ZNF28: variants seen among roughly 807,000 people sequenced by gnomAD.
ZNF28 encodes the protein zinc finger protein 28, also known as zinc finger protein KOX24.
A neutral mutation model predicts 7.2 loss-of-function variants in ZNF28; 5 were observed. That is an observed-to-expected ratio of 0.70 (90% CI 0.36 to 1.46). The LOEUF (loss-of-function observed/expected upper bound fraction) is 1.46, where lower values mean the gene tolerates loss of function less well. ZNF28 is among the 40% of genes most tolerant of loss of function. The probability of loss-of-function intolerance (pLI) is 0.03; values close to 1 mark genes in which losing one functional copy is unlikely to be tolerated. For synonymous variants in ZNF28, 288 were observed against 292.4 expected, an observed-to-expected ratio of 0.99 and a Z score of 0.15; for missense variants, 879 against 866.6, an observed-to-expected ratio of 1.01 and a Z score of -0.18.
rs2062824718 is a variant in ZNF28, at chr19:52,798,612, C to G, written c.*1076G>C. On this transcript the variant is annotated 3_prime_UTR_variant, in exon 4 of 4. Coordinates refer to ENST00000457749, the MANE Select transcript of ZNF28 (RefSeq NM_006969.5). The stretch of plus-strand genomic sequence containing the variant: ...ACAATCATCACACTTGTGAGTTTCT[C>G]TCCTGTATGAATCCTCCTATGTTTT... 3 of 437,582 alleles carry G rather than the reference C, an allele frequency of 6.9e-6. No individual in the cohort carries two copies. The highest frequency in any genetic ancestry group is 4.9e-5 in the South Asian group (3 of 60,980). 27.1% of individuals were successfully genotyped at this position (437,582 alleles called of 1,614,324 possible). A position where few individuals can be genotyped will look rare whatever the true frequency, so the allele number is the denominator to read the frequency against.
intron 3 of ZNF28, among the ~76,000 whole-genome samples, chr19:52,802,358 C>G (rs376266550): frequency 7.6e-4 from 109 of 143,864 alleles, no homozygotes; most frequent in African/African-American, 2.7e-3. Flanking sequence ...ACAAAATGAG[C>G]CTCCATCTCA....
At position 52,800,725 on chromosome 19, in the gene ZNF28, G is replaced by T; in HGVS notation, c.1120C>A (p.Arg374Ser). ...FNRLSTLARH[R>S]RLHTGEKPYE... ...GGTTTCTCTCCAGTATGAAGCCTAC[G>T]ATGGCGTGCAAGGGTTGACAGTCGA... The change falls in exon 4 of 4, where the codon CGT becomes AGT. Residue 374 changes from arginine (R) to serine (S), a missense_variant. Arg to Ser is a moderately radical substitution (Grantham distance 110, BLOSUM62 -1). This residue lies in a region of ZNF28 where 864 missense variants were observed against 830.2 expected (regional missense o/e 1.04). Transcript: ENST00000457749. 1 of 1,612,358 alleles carries T rather than the reference G, an allele frequency of 6.2e-7. No individual in the cohort carries two copies. The highest frequency in any genetic ancestry group is 8.5e-7 in the Non-Finnish European group (1 of 1,179,774).
intron 2 of ZNF28, among the ~76,000 whole-genome samples, chr19:52,811,500 C>T (rs1228565592): frequency 1.8e-4 from 26 of 146,810 alleles, no homozygotes; most frequent in South Asian, 8.7e-4. Flanking sequence ...CGTCTCTGCC[C>T]GGCCGCCCAT....
At position 52,812,156 on chromosome 19, in the gene ZNF28, C is replaced by A. The variant is rs536040682; in HGVS notation, c.16-4023G>T. On this transcript the variant is annotated intron_variant, in intron 2 of 3. Coordinates refer to ENST00000457749, the MANE Select transcript of ZNF28 (RefSeq NM_006969.5). ...GGGAGGGTGGTGGGGGGGTCAGCCC[C>A]CCGCCCGGCCAGCCGCCCCATCTGG... 3.4e-4 allele frequency among the ~76,000 whole-genome samples: 43 copies of A among 126,674 alleles called. 3 individuals carry two copies. Among genetic ancestry groups the A allele is most frequent in the African/African-American group, 1.5e-3 (39 of 25,554 alleles). The allele number at this position is 126,674 out of a possible 152,430, so 83.1% of individuals were successfully genotyped here.
At chr19:52,807,897 T>G (rs1351075941) in intron 3 of ZNF28, 110 bp downstream of exon 3, 12 of 1,538,530 alleles carry the variant, frequency 7.8e-6, no homozygotes, top group Non-Finnish European at 9.7e-6. Context: ...GCTTTTCATT[T>G]CAAAATCAAT....
intron 2 of ZNF28, among the ~76,000 whole-genome samples, chr19:52,811,014 C>G (rs867501275): frequency 2.1e-5 from 3 of 142,450 alleles, no homozygotes; most frequent in African/African-American, 5.1e-5. Flanking sequence ...CTCAGCCTGC[C>G]GAGTGCCTGC....
rs192787222 is a variant in ZNF28 at position 52,812,342 on chromosome 19, G to A, written c.16-4209C>T. Among the ~76,000 whole-genome samples, 12 of 141,854 alleles carry A rather than the reference G, an allele frequency of 8.5e-5. No homozygotes were observed. The East Asian group carries it at 2.0e-3, about 23-fold the overall frequency. 93.1% of individuals were successfully genotyped at this position (141,854 alleles called of 152,430 possible). On this transcript the variant is annotated intron_variant, in intron 2 of 3. Transcript: ENST00000457749. ...ATAGAAAGGCGGGAAGGGTGGGGAAGAAATTGAGAAATCGGATGATTGCCG... is the reference window on the plus strand; with the variant it reads ...ATAGAAAGGCGGGAAGGGTGGGGAAAAAATTGAGAAATCGGATGATTGCCG...
intron 1 of ZNF28, among the ~76,000 whole-genome samples, chr19:52,820,778 TTTC>T (rs1252276489): frequency 2.0e-5 from 3 of 152,310 alleles, no homozygotes; most frequent in South Asian, 2.1e-4. Flanking sequence ...CTCCTCCTGC[TTTC>T]TTATCTTTTA....
At chr19:52,810,820 A>C in intron 2 of ZNF28, 1 of 296,388 alleles carries the variant, frequency 3.4e-6, no homozygotes, top group South Asian at 5.1e-5. Flanking sequence ...AAAAATATAT[A>C]TATATTTTTA....
rs2062819644 is a variant in ZNF28 at position 52,798,165 on chromosome 19, A to G, written c.*1523T>C. The G allele has an allele frequency of 6.3e-6, 1 of 157,570 alleles. No homozygotes were observed. 9.8% of individuals were successfully genotyped at this position (157,570 alleles called of 1,614,324 possible). A position where few individuals can be genotyped will look rare whatever the true frequency, so the allele number is the denominator to read the frequency against. On this transcript the variant is annotated 3_prime_UTR_variant, in exon 4 of 4. Coordinates refer to ENST00000457749, the MANE Select transcript of ZNF28 (RefSeq NM_006969.5). ...AAAAGAAAAAAGAAAGAAAGAATAG[A>G]AATGAAAACACAGGCTGGGAAAAGT... is the stretch of plus-strand genomic sequence containing the variant.
intron 2 of ZNF28, among the ~76,000 whole-genome samples, chr19:52,812,762 TA>T (rs56944474): frequency 0.51 from 37,951 of 74,518 alleles, 9,209 homozygotes; most frequent in Non-Finnish European, 0.65. Flanking sequence ...GAATGATCAA[TA>T]AAAAAAAAAA....
rs1354164066 is a variant in ZNF28, at chr19:52,821,621, C to T, written c.-109G>A. 3.9e-5 allele frequency: 6 copies of T among 152,168 alleles called. No homozygotes were observed. The highest frequency in any genetic ancestry group is 8.8e-5 in the Non-Finnish European group (6 of 68,044). The allele number at this position is 152,168 out of a possible 1,614,324, so 9.4% of individuals were successfully genotyped here. On this transcript the variant is annotated 5_prime_UTR_variant, in exon 1 of 4. Transcript: ENST00000457749. Reference sequence around the variant, plus strand: ...GGCGTCACCGTCATTCCACGGGATCCGCTTCCTGGTCTGCGCGAATCTGCG... The same window carrying T: ...GGCGTCACCGTCATTCCACGGGATCTGCTTCCTGGTCTGCGCGAATCTGCG...
chr19:52,806,954 G>A (rs1481793870), intron 3 of ZNF28, among the ~76,000 whole-genome samples: 1 of 152,052 alleles, frequency 6.6e-6, no homozygotes, highest in South Asian at 2.1e-4. Context: ...ATAAGCGGGG[G>A]CAAAGAAAGA....
At chr19:52,817,313 G>T (rs56721617) in intron 2 of ZNF28, among the ~76,000 whole-genome samples, 1 of 151,714 alleles carries the variant, frequency 6.6e-6, no homozygotes, top group Non-Finnish European at 1.5e-5. Flanking sequence ...CGGAGGTTGC[G>T]GTGAGCTGAG....
At chr19:52,811,487 G>A (rs1394919499) in intron 2 of ZNF28, among the ~76,000 whole-genome samples, 35 of 148,920 alleles carry the variant, frequency 2.4e-4, no homozygotes, top group Non-Finnish European at 3.7e-4. Context: ...AGGAAGTGAG[G>A]AGCGTCTCTG....
At position 52,807,775 on chromosome 19, in the gene ZNF28, T is replaced by A. The variant is rs1206660028; in HGVS notation, c.142+232A>T. On this transcript the variant is annotated intron_variant, in intron 3 of 3. Transcript: ENST00000457749. The stretch of plus-strand genomic sequence containing the variant: ...CAGGCGTGAGCCACCACGACCAGGC[T>A]GCCATAAAGTTTTATGCCTACTTTA... 6.8e-6 allele frequency: 5 copies of A among 733,032 alleles called. No individual in the cohort carries two copies. In the South Asian group the frequency reaches 8.0e-5, roughly 12 times the overall value. The allele number at this position is 733,032 out of a possible 1,614,324, so 45.4% of individuals were successfully genotyped here.
chr19:52,812,546 T>C (rs1232220013), intron 2 of ZNF28, among the ~76,000 whole-genome samples: 1 of 125,418 alleles, frequency 8.0e-6, no homozygotes, highest in Admixed American at 8.0e-5. Context: ...ATGTGCTTTG[T>C]TAAACAGATG....
chr19:52,812,014 T>TG (rs2063053851), intron 2 of ZNF28, among the ~76,000 whole-genome samples: 1 of 34,468 alleles, frequency 2.9e-5, no homozygotes, highest in Non-Finnish European at 6.7e-5. Context: ...GGGAGGGAGG[T>TG]GGGGGGGACA....
chr19:52,817,910 G>C (rs1275663003), intron 2 of ZNF28, 34 bp downstream of exon 2: 3 of 1,609,442 alleles, frequency 1.9e-6, no homozygotes, highest in Admixed American at 3.3e-5. Flanking sequence ...TGAAAGGAAG[G>C]AGACAGAGCA....
Sources: gnomAD v4.1 joint callset for allele counts (sites outside exome capture counted in the v4.1 genomes callset) on GRCh38, gnomAD v4.1.1 for gene constraint, gnomAD v4.1.1 regional missense constraint, MANE v1.5 for transcripts, NCBI Gene and HGNC (gene_info 2026-07-23, HGNC 2026-07-21) for gene names.